Variants in TAFA5 observed in about 807,000 individuals in gnomAD.
TAFA5 encodes chemokine-like protein TAFA-5.
TAFA5 carries 6 observed loss-of-function variants against 15.3 expected under a neutral mutation model. The observed-to-expected ratio is 0.39, with a 90% CI of 0.21 to 0.77. The LOEUF is 0.77. Among genes scored for constraint, TAFA5 ranks in the 30% least tolerant of loss-of-function variants. The pLI is 0.41. For missense variants in TAFA5, 161 were observed against 193.1 expected (o/e 0.83, Z 0.98); for synonymous variants, 103 against 80.7 (o/e 1.28, Z -1.48).
chr22:48,538,530 C>T (rs577188719), intron 1 of TAFA5, among the ~76,000 whole-genome samples: 114 of 152,362 alleles, frequency 7.5e-4, no homozygotes, highest in African/African-American at 2.5e-3. Context: ...TCAGCTCTCC[C>T]TGCACTGGTG....
At chr22:48,678,557 C>T (rs1008534313) in intron 2 of TAFA5, among the ~76,000 whole-genome samples, 7 of 141,576 alleles carry the variant, frequency 4.9e-5, no homozygotes, top group African/African-American at 1.8e-4. Context: ...AGGAAGAGGT[C>T]GGGGAGCCGC....
At position 48,633,532 on chromosome 22, in the gene TAFA5, G is replaced by GTCTGTCTCTCTCTCTCTCTCTC. The variant is rs1555894461; in HGVS notation, c.113-13062_113-13061insGTCTCTCTCTCTCTCTCTCTCT. 3.6e-5 allele frequency among the ~76,000 whole-genome samples: 5 copies of GTCTGTCTCTCTCTCTCTCTCTC among 138,870 alleles called. No homozygotes were observed. In the East Asian group the frequency reaches 1.2e-3, roughly 33 times the overall value. 91.1% of individuals were successfully genotyped at this position (138,870 alleles called of 152,430 possible). A position where few individuals can be genotyped will look rare whatever the true frequency, so the allele number is the denominator to read the frequency against. On this transcript the variant is annotated intron_variant, in intron 1 of 3. Coordinates refer to ENST00000402357, the MANE Select transcript of TAFA5 (RefSeq NM_001082967.3). ...TGTCTGTCTGTCTGTCTGTCTGTCT[G>GTCTGTCTCTCTCTCTCTCTCTC]TCTCTCCCTCTCTCTCTCTCTCTCT...
intron 1 of TAFA5, among the ~76,000 whole-genome samples, chr22:48,602,299 C>A (rs188593668): frequency 6.6e-6 from 1 of 152,240 alleles, no homozygotes. Context: ...GGCCACCCCC[C>A]CACAAGCACA....
intron 2 of TAFA5, among the ~76,000 whole-genome samples, chr22:48,672,279 A>G (rs1475430824): frequency 6.6e-6 from 1 of 152,244 alleles, no homozygotes; most frequent in African/African-American, 2.4e-5. Flanking sequence ...CGTGCAATAC[A>G]ACAGTCCACT....
chr22:48,658,571 T>C (rs1216600298), intron 2 of TAFA5, among the ~76,000 whole-genome samples: 1 of 152,218 alleles, frequency 6.6e-6, no homozygotes, highest in Non-Finnish European at 1.5e-5. Context: ...GAAGGTTATA[T>C]GGATCACCCC....
intron 1 of TAFA5, among the ~76,000 whole-genome samples, chr22:48,572,224 G>T (rs1923615432): frequency 1.3e-5 from 2 of 152,166 alleles, no homozygotes; most frequent in Admixed American, 1.3e-4. Context: ...TGCCTGCTAG[G>T]TCCTGTCTGT....
intron 1 of TAFA5, among the ~76,000 whole-genome samples, chr22:48,526,813 A>G (rs905155251): frequency 3.9e-5 from 6 of 152,222 alleles, no homozygotes; most frequent in Non-Finnish European, 8.8e-5. Context: ...TGCTGTCAAA[A>G]TATGTTGTTC....
At chr22:48,677,145 C>T (rs979521832) in intron 2 of TAFA5, among the ~76,000 whole-genome samples, 8 of 152,252 alleles carry the variant, frequency 5.3e-5, no homozygotes, top group East Asian at 1.9e-4. Context: ...AAGCTGTTTC[C>T]GGCACAGGCC....
intron 1 of TAFA5, among the ~76,000 whole-genome samples, chr22:48,593,435 G>A (rs1301491967): frequency 6.6e-6 from 1 of 152,072 alleles, no homozygotes; most frequent in African/African-American, 2.4e-5. Flanking sequence ...ACTGCTGTGG[G>A]CCTGGCACCA....
At chr22:48,719,233 G>A (rs1216326619) in intron 3 of TAFA5, among the ~76,000 whole-genome samples, 3 of 152,196 alleles carry the variant, frequency 2.0e-5, no homozygotes, top group Non-Finnish European at 4.4e-5. Context: ...CTAATGCCAG[G>A]TGGACGCAGA....
chr22:48,517,168 G>T (rs1921439913), intron 1 of TAFA5, among the ~76,000 whole-genome samples: 1 of 152,090 alleles, frequency 6.6e-6, no homozygotes, highest in East Asian at 1.9e-4. Context: ...AGAAGCAAAG[G>T]CTGCAGAGGC....
intron 3 of TAFA5, among the ~76,000 whole-genome samples, chr22:48,724,131 G>C (rs949510098): frequency 1.3e-5 from 2 of 150,206 alleles, no homozygotes; most frequent in Non-Finnish European, 3.0e-5. Context: ...TGCTGCAGTA[G>C]GAGAGACTTG....
chr22:48,585,861 A>C (rs1398635606), intron 1 of TAFA5, among the ~76,000 whole-genome samples: 1 of 151,952 alleles, frequency 6.6e-6, no homozygotes, highest in East Asian at 1.9e-4. Context: ...ACACACACAC[A>C]CAAACATACA....
intron 1 of TAFA5, among the ~76,000 whole-genome samples, chr22:48,584,536 TACAC>T (rs774041880): frequency 1.6e-4 from 20 of 123,314 alleles, no homozygotes; most frequent in Non-Finnish European, 2.6e-4. Context: ...CCACACAAAA[TACAC>T]ACACATCACA....
At chr22:48,669,851 A>G (rs5771703) in intron 2 of TAFA5, among the ~76,000 whole-genome samples, 129,563 of 152,272 alleles carry the variant, frequency 0.85, 55,735 homozygotes, top group East Asian at 1. Context: ...TATGAAGGCT[A>G]TTGCAAAGCT....
At chr22:48,651,255 G>T (rs754796898) in intron 2 of TAFA5, among the ~76,000 whole-genome samples, 1 of 152,188 alleles carries the variant, frequency 6.6e-6, no homozygotes, top group African/African-American at 2.4e-5. Flanking sequence ...GTCGTGGGCG[G>T]GGGCAGTTTT....
chr22:48,555,807 G>T (rs930457799), intron 1 of TAFA5, among the ~76,000 whole-genome samples: 3 of 152,196 alleles, frequency 2.0e-5, no homozygotes, highest in South Asian at 2.1e-4. Context: ...GGGGATGGGG[G>T]CGCTGTGGCC....
intron 1 of TAFA5, chr22:48,576,410 C>T: frequency 7.2e-6 from 9 of 1,250,452 alleles, no homozygotes; most frequent in Non-Finnish European, 9.1e-6. Flanking sequence ...CTGCACCCGG[C>T]GGGGCGCTGA....
chr22:48,595,468 G>T (rs116740773), intron 1 of TAFA5, among the ~76,000 whole-genome samples: 2,500 of 152,342 alleles, frequency 0.016, 65 homozygotes, highest in African/African-American at 0.058. Context: ...TGTTAGATCC[G>T]CAAGTGCTGC....
Sources: allele counts gnomAD v4.1 joint callset (sites outside exome capture counted in the v4.1 genomes callset), GRCh38; gene constraint gnomAD v4.1.1; transcripts MANE v1.5; gene names NCBI Gene and HGNC (gene_info 2026-07-23, HGNC 2026-07-21).